Variants in ZNF563 observed in about 807,000 individuals in gnomAD.
ZNF563 encodes zinc finger protein 563.
A neutral mutation model predicts 48.5 loss-of-function variants in ZNF563; 39 were observed. The ratio of observed to expected loss-of-function variants is 0.80; its 90% CI spans 0.62 to 1.05. The LOEUF is 1.05. ZNF563 is among the 50% of genes least tolerant of loss of function. ZNF563 has a pLI of 0.00. For synonymous variants in ZNF563, 168 were observed against 187.9 expected, an observed-to-expected ratio of 0.89 and a Z score of 0.87; for missense variants, 538 against 597.0, an observed-to-expected ratio of 0.90 and a Z score of 1.03.
chr19:12,327,100 G>A (rs1329213150), intron 1 of ZNF563, among the ~76,000 whole-genome samples: 2 of 152,054 alleles, frequency 1.3e-5, no homozygotes, highest in Admixed American at 6.6e-5. Flanking sequence ...AAAAAATTAA[G>A]AACCAAGTAC....
chr19:12,336,318 C>A (rs550599825), upstream of ZNF563, among the ~76,000 whole-genome samples: 1 of 152,114 alleles, frequency 6.6e-6, no homozygotes, highest in East Asian at 1.9e-4. Flanking sequence ...CAAGGCCAGG[C>A]GCGGTGGCTC....
chr19:12,319,059 T>C lies in ZNF563; in HGVS notation c.966A>G (p.Gly322=). 6.2e-7 allele frequency: 1 copy of C among 1,614,164 alleles called. No individual in the cohort carries two copies. The highest frequency in any genetic ancestry group is 2.2e-5 in the East Asian group (1 of 44,890). ...KQCGKTFHHL[G]SFQIHMKRHT... is the part of the protein sequence containing the mutation. ...GCCTTTTCATGTGTATCTGAAAGCT[T>C]CCAAGATGATGAAATGTTTTCCCGC... The change falls in exon 4 of 4, where the codon GGA becomes GGG. Residue 322 remains glycine, a synonymous_variant. Coordinates refer to ENST00000293725, the MANE Select transcript of ZNF563 (RefSeq NM_145276.3).
chr19:12,319,545 TC>T lies in ZNF563; in HGVS notation c.479del (p.Gly160GlufsTer30), dbSNP rs756409868. On this transcript the variant is annotated frameshift_variant, in exon 4 of 4. Transcript: ENST00000293725. LOFTEE classifies it high-confidence loss of function. ...FSYHHSFQSR[G>X]RPHTGKKRYE... ...AGCGTTTCTTTCCAGTGTGAGGCCT[TC>T]CACGCGACTGAAAGGAGTGATGGTA... 6.2e-7 allele frequency: 1 copy of T among 1,614,210 alleles called. No individual in the cohort carries two copies. The highest frequency in any genetic ancestry group is 2.2e-5 in the East Asian group (1 of 44,886).
At chr19:12,342,779 TAAAA>T in the ZNF563 span, among the ~76,000 whole-genome samples, 2 of 96,342 alleles carry the variant, frequency 2.1e-5, no homozygotes, top group African/African-American at 7.0e-5. Flanking sequence ...TCTCAAAAAT[TAAAA>T]AAAAAAAAAA....
At chr19:12,335,306 G>A (rs890473222), upstream of ZNF563, among the ~76,000 whole-genome samples, 6 of 152,162 alleles carry the variant, frequency 3.9e-5, no homozygotes, top group African/African-American at 7.2e-5. Flanking sequence ...AAAGTGGGTC[G>A]TAGAATCCAG....
chr19:12,337,621 A>ATTTATATGATT (rs1969034098), upstream of ZNF563, among the ~76,000 whole-genome samples: 1 of 152,190 alleles, frequency 6.6e-6, no homozygotes, highest in Non-Finnish European at 1.5e-5. Flanking sequence ...GTTTGGTTTC[A>ATTTATATGATT]TTTATATGAT....
the ZNF563 span, among the ~76,000 whole-genome samples, chr19:12,345,193 T>C: frequency 2.0e-5 from 3 of 152,224 alleles, no homozygotes; most frequent in Non-Finnish European, 4.4e-5. Flanking sequence ...GTGATCCCTA[T>C]AGAAATCCTA....
At chr19:12,327,352 C>G (rs886627121) in intron 1 of ZNF563, among the ~76,000 whole-genome samples, 4 of 149,932 alleles carry the variant, frequency 2.7e-5, no homozygotes, top group Non-Finnish European at 4.4e-5. Context: ...CCCAGCTACT[C>G]GGGAGGCTGA....
chr19:12,323,166 A>G (rs1008723862), intron 1 of ZNF563, among the ~76,000 whole-genome samples: 2 of 152,214 alleles, frequency 1.3e-5, no homozygotes, highest in Admixed American at 6.5e-5. Context: ...AATGTAACTA[A>G]TAACAGAGCT....
chr19:12,331,815 C>T (rs1968925206), intron 1 of ZNF563, among the ~76,000 whole-genome samples: 2 of 152,168 alleles, frequency 1.3e-5, no homozygotes, highest in Non-Finnish European at 2.9e-5. Flanking sequence ...AGTGTGGGCT[C>T]AGGACTCATC....
At chr19:12,343,089 T>C in the ZNF563 span, among the ~76,000 whole-genome samples, 1,128 of 141,952 alleles carry the variant, frequency 7.9e-3, 71 homozygotes, top group Non-Finnish European at 0.012. Context: ...CCCAGCTACT[T>C]GAGAGGCTGA....
At chr19:12,343,120 C>G in the ZNF563 span, among the ~76,000 whole-genome samples, 1,429 of 151,808 alleles carry the variant, frequency 9.4e-3, 16 homozygotes, top group Middle Eastern at 0.02. Flanking sequence ...TCGCTTGAAC[C>G]GGGGAGGTGG....
At chr19:12,334,560 G>A (rs937179002), upstream of ZNF563, among the ~76,000 whole-genome samples, 1 of 152,160 alleles carries the variant, frequency 6.6e-6, no homozygotes, top group Middle Eastern at 3.2e-3. Flanking sequence ...TCACCAACAG[G>A]AAAGTTTCAT....
intron 1 of ZNF563, among the ~76,000 whole-genome samples, chr19:12,332,392 C>T (rs1968945387): frequency 6.8e-6 from 1 of 148,002 alleles, no homozygotes; most frequent in African/African-American, 2.5e-5. Flanking sequence ...TGTCGCCGGC[C>T]CAGACTGGAG....
rs530334227 is a variant in ZNF563, at chr19:12,333,380, G to A, written c.3+100C>T. ...CAGGGGGACTCGGGTCCCAGACCCC[G>A]GAGCTGACGGCGGGGGAGGCCCACG... On this transcript the variant is annotated intron_variant, in intron 1 of 3. Transcript: ENST00000293725. 32 of 1,515,716 alleles carry A rather than the reference G, an allele frequency of 2.1e-5. No individual in the cohort carries two copies. The South Asian group carries it at 3.5e-4, about 16-fold the overall frequency. 93.9% of individuals were successfully genotyped at this position (1,515,716 alleles called of 1,614,324 possible). A position where few individuals can be genotyped will look rare whatever the true frequency, so the allele number is the denominator to read the frequency against.
chr19:12,324,186 T>G (rs1412300186), intron 1 of ZNF563, among the ~76,000 whole-genome samples: 1 of 152,034 alleles, frequency 6.6e-6, no homozygotes, highest in East Asian at 1.9e-4. Flanking sequence ...GGCGAAACCC[T>G]GTCTCTGCAA....
chr19:12,344,288 G>C, the ZNF563 span, among the ~76,000 whole-genome samples: 1 of 151,102 alleles, frequency 6.6e-6, no homozygotes, highest in African/African-American at 2.4e-5. Flanking sequence ...AGCTACCCGG[G>C]AGGCTGAGGC....
chr19:12,338,806 C>G, the ZNF563 span, among the ~76,000 whole-genome samples: 24 of 152,078 alleles, frequency 1.6e-4, no homozygotes, highest in African/African-American at 5.6e-4. Context: ...GAGCCAAGAT[C>G]ACACCATTGC....
the ZNF563 span, among the ~76,000 whole-genome samples, chr19:12,343,876 A>G: frequency 1.5e-4 from 22 of 151,638 alleles, no homozygotes; most frequent in Non-Finnish European, 2.5e-4. Flanking sequence ...GACTACAGGC[A>G]CCCACCACCA....
Sources: gnomAD v4.1 joint callset for allele counts (sites outside exome capture counted in the v4.1 genomes callset) on GRCh38, gnomAD v4.1.1 for gene constraint, MANE v1.5 for transcripts, NCBI Gene and HGNC (gene_info 2026-07-23, HGNC 2026-07-21) for gene names.